Variants in WDPCP observed in about 807,000 individuals in gnomAD.
WDPCP encodes the protein WD repeat containing planar cell polarity effector, also known as WD repeat-containing and planar cell polarity effector protein fritz homolog.
In WDPCP, 71 loss-of-function variants were observed where a neutral mutation model predicts 93.1. The ratio of observed to expected loss-of-function variants is 0.76; its 90% CI spans 0.63 to 0.93. The LOEUF (loss-of-function observed/expected upper bound fraction) is 0.93. Among genes scored for constraint, WDPCP ranks in the 40% least tolerant of loss-of-function variants. The probability of loss-of-function intolerance (pLI) is 0.00; values close to 1 mark genes in which losing one functional copy is unlikely to be tolerated. For missense variants in WDPCP, 844 were observed against 887.4 expected, an observed-to-expected ratio of 0.95 and a Z score of 0.62; for synonymous variants, 315 against 315.0, an observed-to-expected ratio of 1.00 and a Z score of 0.00.
At chr2:63,837,847 T>C in the WDPCP span, among the ~76,000 whole-genome samples, 25 of 152,378 alleles carry the variant, frequency 1.6e-4, no homozygotes, top group African/African-American at 5.5e-4. Flanking sequence ...CTTACGCCTG[T>C]AATTCCAGCA....
chr2:63,801,256 G>T (rs1670689432), intron 2 of WDPCP, among the ~76,000 whole-genome samples: 1 of 152,128 alleles, frequency 6.6e-6, no homozygotes, highest in Admixed American at 6.5e-5. Context: ...ATGGCTCAAA[G>T]AAATCAGTTC....
In WDPCP at chr2:63,723,030, T is replaced by C. The variant is rs186355096; in HGVS notation, n.309-72192A>G. On this transcript the variant is annotated intron_variant and non_coding_transcript_variant, in intron 2 of 4. Transcript: ENST00000467687. The stretch of plus-strand genomic sequence containing the variant: ...AAACATGTGCTGTGTCCACTCAGCG[T>C]TGAACGGATTAAGGGCGGTGCAAGA... 2.8e-3 allele frequency among the ~76,000 whole-genome samples: 433 copies of C among 152,320 alleles called. 1 individual carries two copies. Among genetic ancestry groups the C allele is most frequent in the Middle Eastern group, 6.8e-3 (2 of 294 alleles).
chr2:63,428,355 A>G (rs1187077036), intron 9 of WDPCP, among the ~76,000 whole-genome samples: 3 of 152,160 alleles, frequency 2.0e-5, no homozygotes, highest in Admixed American at 1.3e-4. Context: ...TAGAAAACCA[A>G]ATCCAGCAGT....
chr2:63,773,420 A>G (rs1670258851), intron 2 of WDPCP, among the ~76,000 whole-genome samples: 1 of 152,038 alleles, frequency 6.6e-6, no homozygotes, highest in African/African-American at 2.4e-5. Flanking sequence ...TCAGAAGACC[A>G]ATTACCATTT....
rs1283722923 is a variant in WDPCP at position 63,159,155 on chromosome 2, CA to C, written c.2079-5582del. Among the ~76,000 whole-genome samples the C allele has an allele frequency of 3.6e-5, 5 of 139,752 alleles. No individual in the cohort carries two copies. The South Asian group carries it at 9.7e-4, about 27-fold the overall frequency. 91.7% of individuals were successfully genotyped at this position (139,752 alleles called of 152,430 possible). On this transcript the variant is annotated intron_variant, in intron 15 of 17. Coordinates refer to ENST00000272321, the MANE Select transcript of WDPCP (RefSeq NM_015910.7). The stretch of plus-strand genomic sequence containing the variant: ...TGTGAGACAGAATGAGACCCTATCT[CA>C]AAAAAAAACTTTTTTTTTTTTTTTG...
intron 2 of WDPCP, among the ~76,000 whole-genome samples, chr2:63,769,180 T>C (rs569978637): frequency 6.6e-6 from 1 of 151,962 alleles, no homozygotes; most frequent in African/African-American, 2.4e-5. Flanking sequence ...TCAAGGTTGT[T>C]GGGGAAAAAA....
At position 63,416,168 on chromosome 2, in the gene WDPCP, G is replaced by A. The variant is rs182972552; in HGVS notation, c.826-11511C>T. Among the ~76,000 whole-genome samples, 16 of 151,116 alleles carry A rather than the reference G, an allele frequency of 1.1e-4. No individual in the cohort carries two copies. The East Asian group carries it at 2.5e-3, about 24-fold the overall frequency. ...GAAGATAAAAAGGAAAACTAAGTTCGTCCTATGCTGTTGCATGAAATCTTT... is the reference window on the plus strand; with the variant it reads ...GAAGATAAAAAGGAAAACTAAGTTCATCCTATGCTGTTGCATGAAATCTTT... On this transcript the variant is annotated intron_variant, in intron 9 of 17. Transcript: ENST00000272321.
At chr2:63,256,610 C>T (rs998717122) in intron 14 of WDPCP, among the ~76,000 whole-genome samples, 2 of 152,098 alleles carry the variant, frequency 1.3e-5, no homozygotes, top group Admixed American at 6.6e-5. Context: ...ATCTGCCTAC[C>T]TATGTCCATT....
intron 1 of WDPCP, among the ~76,000 whole-genome samples, chr2:63,494,475 G>C (rs1402964324): frequency 2.0e-5 from 3 of 152,096 alleles, no homozygotes; most frequent in African/African-American, 7.2e-5. Flanking sequence ...AGGAAACTTA[G>C]GCACAGAGTG....
At chr2:63,576,377 C>G (rs1708116357) in intron 1 of WDPCP, among the ~76,000 whole-genome samples, 1 of 152,168 alleles carries the variant, frequency 6.6e-6, no homozygotes, top group African/African-American at 2.4e-5. Context: ...CTCAGAGAAA[C>G]ACTTTACTTA....
chr2:63,348,768 T>G (rs1465102891), intron 12 of WDPCP, among the ~76,000 whole-genome samples: 1 of 152,100 alleles, frequency 6.6e-6, no homozygotes, highest in Non-Finnish European at 1.5e-5. Flanking sequence ...CAAGTATATT[T>G]AAAAAATAAG....
intron 13 of WDPCP, among the ~76,000 whole-genome samples, chr2:63,270,071 A>G (rs1472224765): frequency 6.6e-6 from 1 of 152,222 alleles, no homozygotes; most frequent in Non-Finnish European, 1.5e-5. Flanking sequence ...AACTTTCAAG[A>G]TAAGGAAGTA....
Position 63,378,607 on chromosome 2 carries a change from G to A in WDPCP, c.1625-98C>T. The A allele has an allele frequency of 2.7e-6, 4 of 1,497,720 alleles. No homozygotes were observed. The South Asian group carries it at 4.6e-5, about 17-fold the overall frequency. 92.8% of individuals were successfully genotyped at this position (1,497,720 alleles called of 1,614,324 possible). Reference sequence around the variant, plus strand: ...CAGTCAGTCAGGTTTTGCAGACTTGGATGAAACATGAACTTGTTGCAGGAA... The same window carrying A: ...CAGTCAGTCAGGTTTTGCAGACTTGAATGAAACATGAACTTGTTGCAGGAA... On this transcript the variant is annotated intron_variant, in intron 11 of 17. Coordinates refer to ENST00000272321, the MANE Select transcript of WDPCP (RefSeq NM_015910.7).
intron 1 of WDPCP, among the ~76,000 whole-genome samples, chr2:63,559,642 G>C (rs763707469): frequency 6.6e-6 from 1 of 152,034 alleles, no homozygotes; most frequent in Non-Finnish European, 1.5e-5. Context: ...GACAAGCAGA[G>C]AGCCAAATCA....
intron 12 of WDPCP, among the ~76,000 whole-genome samples, chr2:63,331,864 T>G (rs1235691823): frequency 6.6e-6 from 1 of 152,090 alleles, no homozygotes; most frequent in Admixed American, 6.5e-5. Context: ...TGTTTTTACC[T>G]TTCTTTTCAT....
chr2:63,284,953 G>A (rs1173845420), intron 13 of WDPCP, among the ~76,000 whole-genome samples: 1 of 151,876 alleles, frequency 6.6e-6, no homozygotes, highest in African/African-American at 2.4e-5. Flanking sequence ...ATGAAGTATA[G>A]CTAATAAACC....
intron 2 of WDPCP, among the ~76,000 whole-genome samples, chr2:63,687,776 A>C (rs185305011): frequency 3.0e-3 from 452 of 152,074 alleles, no homozygotes; most frequent in African/African-American, 9.2e-3. Context: ...AACAGTTTGG[A>C]GGTTCCTCAA....
chr2:63,174,579 T>C, intron 15 of WDPCP, 91 bp downstream of exon 15: 1 of 1,558,036 alleles, frequency 6.4e-7, no homozygotes, highest in South Asian at 1.1e-5. Flanking sequence ...CCTTGACATT[T>C]TGAAATATTC....
intron 14 of WDPCP, among the ~76,000 whole-genome samples, chr2:63,201,055 C>G (rs905981660): frequency 9.9e-5 from 15 of 152,078 alleles, no homozygotes; most frequent in African/African-American, 3.6e-4. Context: ...GGAGGAGGAG[C>G]CTGGTGGGAG....
Sources: allele counts gnomAD v4.1 joint callset (sites outside exome capture counted in the v4.1 genomes callset), GRCh38; gene constraint gnomAD v4.1.1; transcripts MANE v1.5; gene names NCBI Gene and HGNC (gene_info 2026-07-23, HGNC 2026-07-21).